PPP1R21: variants seen among roughly 807,000 people sequenced by gnomAD.
PPP1R21 encodes protein phosphatase 1 regulatory subunit 21.
A neutral mutation model predicts 112.8 loss-of-function variants in PPP1R21; 85 were observed. That is an observed-to-expected ratio of 0.75 (90% CI 0.63 to 0.90). The LOEUF is 0.90. Among genes scored for constraint, PPP1R21 ranks in the 40% least tolerant of loss-of-function variants. PPP1R21 has a pLI of 0.00. For synonymous variants in PPP1R21, 381 were observed against 322.3 expected (o/e 1.18, Z -1.95); for missense variants, 1,199 against 901.5 (o/e 1.33, Z -4.23).
chr2:48,457,664 C>G (rs1667786291), intron 3 of PPP1R21, among the ~76,000 whole-genome samples: 1 of 151,962 alleles, frequency 6.6e-6, no homozygotes. Flanking sequence ...TTTATATGAA[C>G]TTTTGTATAA....
chr2:48,471,110 T>G lies in PPP1R21; in HGVS notation c.921T>G (p.Asn307Lys). 6.2e-7 allele frequency: 1 copy of G among 1,611,582 alleles called. No homozygotes were observed. The highest frequency in any genetic ancestry group is 8.5e-7 in the Non-Finnish European group (1 of 1,177,732). Residue 307 changes from asparagine (N) to lysine (K), a missense_variant, in exon 10 of 22, where the codon AAT becomes AAG. Asn to Lys is a moderately conservative substitution (Grantham distance 94). Transcript: ENST00000294952. ...NQKFSQYLHE[N>K]ASYVRPLEEG... is the part of the protein sequence containing the mutation. ...AGTTCTCACAATACCTTCATGAAAATGCGTCCTATGTCCGCCCTCTTGAGG... is the reference window on the plus strand; with the variant it reads ...AGTTCTCACAATACCTTCATGAAAAGGCGTCCTATGTCCGCCCTCTTGAGG...
intron 7 of PPP1R21, among the ~76,000 whole-genome samples, chr2:48,461,675 C>T (rs1667984764): frequency 6.6e-6 from 1 of 152,036 alleles, no homozygotes; most frequent in East Asian, 1.9e-4. Context: ...TCCTATTCAC[C>T]CTGGGAATGG....
Position 48,471,377 on chromosome 2 carries a change from C to A in PPP1R21, c.1088+10C>A, listed in dbSNP as rs1468909271. 3 of 1,597,850 alleles carry A rather than the reference C, an allele frequency of 1.9e-6. No individual in the cohort carries two copies. The highest frequency in any genetic ancestry group is 8.5e-7 in the Non-Finnish European group (1 of 1,174,474). ...CCTATCAGTTAAAAAGGTAGTTACC[C>A]CCGGAGGCCAGGGAACTTGGGGAAT... On this transcript the variant is annotated intron_variant, in intron 11 of 21. Transcript: ENST00000294952.
At position 48,496,820 on chromosome 2, in the gene PPP1R21, T is replaced by A. The variant is rs151214918; in HGVS notation, c.1692+1049T>A. Among the ~76,000 whole-genome samples, 261 of 152,352 alleles carry A rather than the reference T, an allele frequency of 1.7e-3. 1 individual carries two copies. The highest frequency in any genetic ancestry group is 0.014 in the Middle Eastern group (4 of 294). ...TTTCTTCATGGTTGTCAATCATGCC[T>A]ATCCAGTGCAGTCTCCATGAAAAGC... On this transcript the variant is annotated intron_variant, in intron 16 of 21. Coordinates refer to ENST00000294952, the MANE Select transcript of PPP1R21 (RefSeq NM_001135629.3).
At chr2:48,494,482 A>AGTG in intron 15 of PPP1R21, among the ~76,000 whole-genome samples, 1 of 151,788 alleles carries the variant, frequency 6.6e-6, no homozygotes. Context: ...GCTGGAGTGC[A>AGTG]ATGGCGCGAT....
At chr2:48,478,377 C>T (rs1668850418) in intron 12 of PPP1R21, among the ~76,000 whole-genome samples, 1 of 152,156 alleles carries the variant, frequency 6.6e-6, no homozygotes, top group African/African-American at 2.4e-5. Context: ...TTAAACACAT[C>T]TTCTAGTTTT....
In PPP1R21 at chr2:48,491,103, C is replaced by T; in HGVS notation, c.1532C>T (p.Pro511Leu). The change falls in exon 15 of 22, where the codon CCT (proline) becomes CTT (leucine). Residue 511 changes from proline (P) to leucine (L), a missense_variant. Pro to Leu is a moderately conservative substitution (Grantham distance 98). Coordinates refer to ENST00000294952, the MANE Select transcript of PPP1R21 (RefSeq NM_001135629.3). ...GPKAASGFIS[P>L]LSAECMLQYK... ...AAGGCAGCGAGTGGATTCATTAGTC[C>T]TCTTTCAGCTGAATGCATGCTACAG... 1.9e-6 allele frequency: 3 copies of T among 1,614,110 alleles called. No individual in the cohort carries two copies. Among genetic ancestry groups the T allele is most frequent in the Non-Finnish European group, 2.5e-6 (3 of 1,180,012 alleles).
chr2:48,440,854 A>G lies in PPP1R21; in HGVS notation c.-100A>G, dbSNP rs1054692489. The G allele has an allele frequency of 2.3e-5, 18 of 786,992 alleles. No individual in the cohort carries two copies. In the African/African-American group the frequency reaches 2.6e-4, roughly 11 times the overall value. The allele number at this position is 786,992 out of a possible 1,614,324, so 48.8% of individuals were successfully genotyped here. A position where few individuals can be genotyped will look rare whatever the true frequency, so the allele number is the denominator to read the frequency against. ...CGGCGGCTGCGGTGGCCAAGCAGGC[A>G]GATACTGCCTGACCCGTTCCCGGGA... is the stretch of plus-strand genomic sequence containing the variant. On this transcript the variant is annotated 5_prime_UTR_variant, in exon 1 of 22. Coordinates refer to ENST00000294952, the MANE Select transcript of PPP1R21 (RefSeq NM_001135629.3).
intron 1 of PPP1R21, among the ~76,000 whole-genome samples, chr2:48,442,332 G>T (rs1187230681): frequency 6.6e-6 from 1 of 152,208 alleles, no homozygotes; most frequent in Non-Finnish European, 1.5e-5. Context: ...TGAGTATAAA[G>T]CAAGGGGACT....
At chr2:48,477,351 C>G (rs1668805211) in intron 12 of PPP1R21, among the ~76,000 whole-genome samples, 1 of 151,976 alleles carries the variant, frequency 6.6e-6, no homozygotes, top group Non-Finnish European at 1.5e-5. Flanking sequence ...GAACTCCTAG[C>G]CTCAGGTGAT....
At chr2:48,480,342 T>C (rs1004152235) in intron 13 of PPP1R21, among the ~76,000 whole-genome samples, 6 of 152,230 alleles carry the variant, frequency 3.9e-5, no homozygotes, top group African/African-American at 1.4e-4. Context: ...GCAAAATACG[T>C]TGCGCTTCTT....
At chr2:48,489,883 A>G (rs926909770) in intron 14 of PPP1R21, among the ~76,000 whole-genome samples, 5 of 152,086 alleles carry the variant, frequency 3.3e-5, no homozygotes, top group African/African-American at 4.8e-5. Flanking sequence ...GTCTCTACTA[A>G]AAGTACAAAA....
At chr2:48,470,784 C>T (rs528254154) in intron 9 of PPP1R21, among the ~76,000 whole-genome samples, 3 of 152,218 alleles carry the variant, frequency 2.0e-5, no homozygotes, top group South Asian at 4.2e-4. Context: ...ATGCAGTATT[C>T]GCTCCCTATT....
chr2:48,479,921 T>C lies in PPP1R21; in HGVS notation c.1226-3T>C. 3.1e-6 allele frequency: 5 copies of C among 1,588,444 alleles called. No homozygotes were observed. Among genetic ancestry groups the C allele is most frequent in the Non-Finnish European group, 4.3e-6 (5 of 1,156,668 alleles). ...GCTTAGATTTGTGATTTTGATTTCC[T>C]AGGTACAGAGCCAGATGGACTCCTT... On this transcript the variant is annotated splice_region_variant and splice_polypyrimidine_tract_variant and intron_variant, in intron 12 of 21. Transcript: ENST00000294952.
At position 48,514,818 on chromosome 2, in the gene PPP1R21, C is replaced by T. The variant is rs1187045416; in HGVS notation, c.*74C>T. The stretch of plus-strand genomic sequence containing the variant: ...GCACAGAGCCGCAGGGCTGAGACCA[C>T]GTCCATGCTGGCTGCCTTCAGGAAG... On this transcript the variant is annotated 3_prime_UTR_variant, in exon 22 of 22. Coordinates refer to ENST00000294952, the MANE Select transcript of PPP1R21 (RefSeq NM_001135629.3). 7.4e-6 allele frequency: 11 copies of T among 1,494,436 alleles called. No homozygotes were observed. The highest frequency in any genetic ancestry group is 1.2e-5 in the South Asian group (1 of 85,808). 92.6% of individuals were successfully genotyped at this position (1,494,436 alleles called of 1,614,324 possible).
At chr2:48,489,460 G>C (rs932472963) in intron 14 of PPP1R21, among the ~76,000 whole-genome samples, 2 of 151,698 alleles carry the variant, frequency 1.3e-5, no homozygotes, top group South Asian at 4.2e-4. Context: ...CTCCTACCTC[G>C]GTCTCCCAAG....
intron 1 of PPP1R21, among the ~76,000 whole-genome samples, chr2:48,446,661 ATCTT>A (rs1451484222): frequency 6.6e-6 from 1 of 152,186 alleles, no homozygotes; most frequent in Non-Finnish European, 1.5e-5. Flanking sequence ...CATAGCATTG[ATCTT>A]TCATTGCAGG....
At chr2:48,500,213 T>C (rs1328457782) in intron 17 of PPP1R21, among the ~76,000 whole-genome samples, 1 of 152,160 alleles carries the variant, frequency 6.6e-6, no homozygotes, top group Non-Finnish European at 1.5e-5. Context: ...ATATTATTAT[T>C]TAGGAGAATA....
At chr2:48,479,656 A>G (rs1237108557) in intron 12 of PPP1R21, 12 of 616,782 alleles carry the variant, frequency 1.9e-5, no homozygotes, top group Non-Finnish European at 3.3e-5. Flanking sequence ...TCGTTTTACA[A>G]AGAATCATGA....
Sources: gnomAD v4.1 joint callset for allele counts (sites outside exome capture counted in the v4.1 genomes callset) on GRCh38, gnomAD v4.1.1 for gene constraint, MANE v1.5 for transcripts, NCBI Gene and HGNC (gene_info 2026-07-23, HGNC 2026-07-21) for gene names.